NIBAN2: variants seen among roughly 807,000 people sequenced by gnomAD.
NIBAN2 encodes niban apoptosis regulator 2, also known as protein Niban 2.
NIBAN2 carries 36 observed loss-of-function variants against 81.8 expected under a neutral mutation model. That is an observed-to-expected ratio of 0.44 (90% confidence interval 0.34 to 0.58). NIBAN2 has a LOEUF of 0.58. Among genes scored for constraint, NIBAN2 ranks in the 20% least tolerant of loss-of-function variants. The pLI is 0.02. For missense variants in NIBAN2, 897 were observed against 1,014.1 expected (o/e 0.88, Z 1.57); for synonymous variants, 445 against 441.6 (o/e 1.01, Z -0.10).
intron 1 of NIBAN2, among the ~76,000 whole-genome samples, chr9:127,550,725 C>T (rs1427179437): frequency 6.6e-6 from 1 of 152,198 alleles, no homozygotes; most frequent in Non-Finnish European, 1.5e-5. Flanking sequence ...CAGTATGGCC[C>T]AAGAGGCAGG....
At chr9:127,524,519 G>C (rs562178402) in intron 4 of NIBAN2, among the ~76,000 whole-genome samples, 1 of 152,184 alleles carries the variant, frequency 6.6e-6, no homozygotes, top group Non-Finnish European at 1.5e-5. Flanking sequence ...AGGGGAGGGG[G>C]GGTGACTCGC....
rs772886422 is a variant in NIBAN2 at position 127,518,505 on chromosome 9, A to AC, written c.590-565dup. Among the ~76,000 whole-genome samples the AC allele has an allele frequency of 2.6e-5, 4 of 152,338 alleles. No homozygotes were observed. The East Asian group carries it at 7.7e-4, about 29-fold the overall frequency. ...AACCCCTCCCGCAATGCTCGCCTCT[A>AC]CAGTCACAGCACAAAAACAGCCACG... On this transcript the variant is annotated intron_variant, in intron 5 of 13. Coordinates refer to ENST00000373312, the MANE Select transcript of NIBAN2 (RefSeq NM_022833.4).
Position 127,510,137 on chromosome 9 carries a change from C to A in NIBAN2, c.1161+9G>T. On this transcript the variant is annotated intron_variant, in intron 9 of 13. Transcript: ENST00000373312. ...GGAGACCCCCTCCTAGGGGCGGTGCCGGCCTCACCTCGCCCAGCTTGTCAA... is the reference window on the plus strand; with the variant it reads ...GGAGACCCCCTCCTAGGGGCGGTGCAGGCCTCACCTCGCCCAGCTTGTCAA... 6.2e-7 allele frequency: 1 copy of A among 1,603,798 alleles called. No individual in the cohort carries two copies.
chr9:127,519,615 G>A (rs542053827), intron 5 of NIBAN2, among the ~76,000 whole-genome samples: 15 of 152,368 alleles, frequency 9.8e-5, no homozygotes, highest in South Asian at 6.2e-4. Context: ...TGTCGGAGCC[G>A]GGAGGGAGCT....
At chr9:127,565,487 C>T (rs1204388596) in intron 1 of NIBAN2, among the ~76,000 whole-genome samples, 1 of 152,054 alleles carries the variant, frequency 6.6e-6, no homozygotes, top group Non-Finnish European at 1.5e-5. Flanking sequence ...AGGTGAATTA[C>T]GCCTCAATAA....
At chr9:127,533,772 G>C (rs955623238) in intron 1 of NIBAN2, among the ~76,000 whole-genome samples, 1 of 152,258 alleles carries the variant, frequency 6.6e-6, no homozygotes, top group African/African-American at 2.4e-5. Flanking sequence ...GGAGTACAGA[G>C]TGAACTTCAT....
chr9:127,515,907 G>A (rs1430168426), intron 8 of NIBAN2, among the ~76,000 whole-genome samples: 1 of 152,062 alleles, frequency 6.6e-6, no homozygotes, highest in Non-Finnish European at 1.5e-5. Flanking sequence ...GGAAGCCAAG[G>A]TGGGTGGATT....
At chr9:127,528,942 G>C (rs561088805) in intron 2 of NIBAN2, among the ~76,000 whole-genome samples, 182 of 152,372 alleles carry the variant, frequency 1.2e-3, no homozygotes, top group African/African-American at 4.3e-3. Flanking sequence ...TGCAGAAGCA[G>C]GCTTGTGGCC....
chr9:127,568,906 ACGC>A lies in NIBAN2; in HGVS notation c.-35_-33del. 2.4e-6 allele frequency: 3 copies of A among 1,259,292 alleles called. No individual in the cohort carries two copies. Among genetic ancestry groups the A allele is most frequent in the South Asian group, 5.0e-5 (2 of 39,816 alleles). The allele number at this position is 1,259,292 out of a possible 1,614,324, so 78.0% of individuals were successfully genotyped here. ...GAGGTGTCGCGGCCCGATCCGGCCG[ACGC>A]CGCCGCTGTTGCCCGCGCTGCTCAG... is the stretch of plus-strand genomic sequence containing the variant. On this transcript the variant is annotated 5_prime_UTR_variant, in exon 1 of 14. Transcript: ENST00000373312.
intron 1 of NIBAN2, among the ~76,000 whole-genome samples, chr9:127,565,773 A>C: frequency 8.7e-6 from 1 of 115,550 alleles, no homozygotes; most frequent in African/African-American, 3.7e-5. Context: ...AGAGAGTGAG[A>C]CTCTGTCTCA....
rs376772504 is a variant in NIBAN2, at chr9:127,517,235, A to T, written c.706-19T>A. On this transcript the variant is annotated intron_variant, in intron 6 of 13. Transcript: ENST00000373312. This position sits in a 1 kb window ranked among gnomAD's most constrained non-coding sequence, Gnocchi z 4.0. ...TCAGGATCTAGGTTGAGGAGGCACA[A>T]GCCAGGCCAGGGGCTGGAGAGCGCT... The T allele has an allele frequency of 6.0e-5, 97 of 1,608,386 alleles. No individual in the cohort carries two copies. The highest frequency in any genetic ancestry group is 8.0e-5 in the Non-Finnish European group (94 of 1,176,122).
In NIBAN2 at chr9:127,510,200, G is replaced by C. The variant is rs774307933; in HGVS notation, c.1107C>G (p.Val369=). 3 of 1,613,966 alleles carry C rather than the reference G, an allele frequency of 1.9e-6. No individual in the cohort carries two copies. In the East Asian group the frequency reaches 6.7e-5, roughly 36 times the overall value. ...TGATGACGTTCAGGTTCATGTCCGTGACCTCCTTGAAGAAGACATCTCGCA... is the reference window on the plus strand; with the variant it reads ...TGATGACGTTCAGGTTCATGTCCGTCACCTCCTTGAAGAAGACATCTCGCA... ...TEVRDVFFKE[V]TDMNLNVINE... Residue 369 remains valine (V), a synonymous_variant, in exon 9 of 14, where the codon GTC becomes GTG. Transcript: ENST00000373312.
rs1393731348 is a variant in NIBAN2 at position 127,506,852 on chromosome 9, T to G, written c.2234A>C (p.Glu745Ala). ...TTEDSAGVQT[E>A]F ...AGTCAGGGACCCACTGGCCTAGAAC[T>G]CAGTCTGCACCCCTGCACTGTCCTC... The change falls in exon 14 of 14, where the codon GAG becomes GCG. Residue 745 changes from glutamate to alanine, a missense_variant. Glu to Ala is a moderately radical substitution (Grantham distance 107). Coordinates refer to ENST00000373312, the MANE Select transcript of NIBAN2 (RefSeq NM_022833.4). 6.2e-7 allele frequency: 1 copy of G among 1,605,166 alleles called. No individual in the cohort carries two copies. Among genetic ancestry groups the G allele is most frequent in the Admixed American group, 1.7e-5 (1 of 58,392 alleles).
At position 127,508,963 on chromosome 9, in the gene NIBAN2, G is replaced by C. The variant is rs1836673027; in HGVS notation, c.1317+13C>G. ...GACAGGGTGTGGGGTGGGGGTCGTA[G>C]CCTCGGGTCTACCTCCCGCATGTGG... On this transcript the variant is annotated intron_variant, in intron 10 of 13. Transcript: ENST00000373312. This position sits in a 1 kb window ranked among gnomAD's most constrained non-coding sequence, Gnocchi z 6.4. The C allele has an allele frequency of 6.2e-7, 1 of 1,613,228 alleles. No homozygotes were observed. Among genetic ancestry groups the C allele is most frequent in the African/African-American group, 1.3e-5 (1 of 74,860 alleles).
chr9:127,519,174 CAAAAAA>C (rs398046914), intron 5 of NIBAN2, among the ~76,000 whole-genome samples: 18 of 39,312 alleles, frequency 4.6e-4, no homozygotes, highest in African/African-American at 1.2e-3. Flanking sequence ...GACTCTGTCT[CAAAAAA>C]AAAAAAAAAA....
intron 1 of NIBAN2, among the ~76,000 whole-genome samples, chr9:127,558,258 A>G (rs1278423645): frequency 2.0e-5 from 3 of 152,112 alleles, no homozygotes; most frequent in African/African-American, 7.2e-5. Flanking sequence ...TTTCATAATT[A>G]TAAGTTCTGC....
intron 8 of NIBAN2, among the ~76,000 whole-genome samples, chr9:127,515,486 A>G (rs1199507900): frequency 3.6e-5 from 5 of 139,554 alleles, no homozygotes; most frequent in Non-Finnish European, 7.6e-5. Flanking sequence ...ACGCCACTGC[A>G]CTCCAGCCTG....
chr9:127,572,643 G>T (rs1419818162), upstream of NIBAN2, among the ~76,000 whole-genome samples: 1 of 152,082 alleles, frequency 6.6e-6, no homozygotes, highest in Non-Finnish European at 1.5e-5. Flanking sequence ...CCACAGACCA[G>T]GTGTCACACC....
chr9:127,547,669 C>T (rs1837498040), intron 1 of NIBAN2, among the ~76,000 whole-genome samples: 1 of 151,692 alleles, frequency 6.6e-6, no homozygotes, highest in Non-Finnish European at 1.5e-5. Context: ...GAAACCCTGC[C>T]TCTACTAAAT....
Sources: gnomAD v4.1 joint callset for allele counts (sites outside exome capture counted in the v4.1 genomes callset) on GRCh38, gnomAD v4.1.1 for gene constraint, Gnocchi (gnomAD v3.1) non-coding constraint, MANE v1.5 for transcripts, NCBI Gene and HGNC (gene_info 2026-07-23, HGNC 2026-07-21) for gene names.